The following ZCCHC2 variants were observed in gnomAD, a reference collection of about 807,000 sequenced individuals.
The protein encoded by ZCCHC2 is zinc finger CCHC domain-containing protein 2.
A neutral mutation model predicts 103.6 loss-of-function variants in ZCCHC2; 39 were observed. The observed-to-expected ratio is 0.38, with a 90% CI of 0.29 to 0.49. ZCCHC2 has a LOEUF of 0.49. Ranked by LOEUF, ZCCHC2 falls within the 20% of genes least tolerant of loss-of-function variation. The pLI, the probability that ZCCHC2 is intolerant of heterozygous loss-of-function variation, is 0.96. For synonymous variants in ZCCHC2, 687 were observed against 608.9 expected, an observed-to-expected ratio of 1.13 and a Z score of -1.89; for missense variants, 1,483 against 1,491.0, an observed-to-expected ratio of 0.99 and a Z score of 0.09.
intron 3 of ZCCHC2, among the ~76,000 whole-genome samples, chr18:62,544,116 G>A (rs906931684): frequency 6.6e-6 from 1 of 152,076 alleles, no homozygotes; most frequent in African/African-American, 2.4e-5. Flanking sequence ...ATTTTTAGGG[G>A]GCCACAGTTG....
chr18:62,544,203 A>G (rs968367089), intron 3 of ZCCHC2, among the ~76,000 whole-genome samples: 3 of 152,194 alleles, frequency 2.0e-5, no homozygotes, highest in African/African-American at 4.8e-5. Flanking sequence ...CTTGCAACCT[A>G]CTTAGAGTCA....
At chr18:62,558,069 A>G (rs1489341634) in intron 6 of ZCCHC2, among the ~76,000 whole-genome samples, 3 of 151,604 alleles carry the variant, frequency 2.0e-5, no homozygotes, top group Admixed American at 6.6e-5. Flanking sequence ...TGGTACAGAG[A>G]GCATCACTCC....
At chr18:62,534,848 A>G (rs2145490622) in intron 1 of ZCCHC2, among the ~76,000 whole-genome samples, 1 of 152,344 alleles carries the variant, frequency 6.6e-6, no homozygotes, top group African/African-American at 2.4e-5. Flanking sequence ...TTAGTTTGGG[A>G]AAATTGCCCA....
rs1916076136 is a variant in ZCCHC2, at chr18:62,560,621, T to C, written c.1527T>C (p.His509=). The C allele has an allele frequency of 1.9e-6, 3 of 1,613,416 alleles. No homozygotes were observed. The highest frequency in any genetic ancestry group is 1.3e-5 in the African/African-American group (1 of 74,918). The change falls in exon 8 of 14, where the codon CAT becomes CAC. Residue 509 remains histidine, a synonymous_variant. Transcript: ENST00000269499. ...VLQHAIIHKK[H]TGKSPIVNNI... is the part of the protein sequence containing the mutation. ...AGCATGCCATAATCCACAAGAAGCATACTGGGAAAAGTCCCATTGTGAAGT... is the reference window on the plus strand; with the variant it reads ...AGCATGCCATAATCCACAAGAAGCACACTGGGAAAAGTCCCATTGTGAAGT...
intron 1 of ZCCHC2, among the ~76,000 whole-genome samples, chr18:62,531,576 G>A (rs1218038213): frequency 6.7e-6 from 1 of 148,306 alleles, no homozygotes; most frequent in Non-Finnish European, 1.5e-5. Context: ...AAGTGAAAAT[G>A]CTTGGTAAAC....
In ZCCHC2 at chr18:62,570,041, A is replaced by G. The variant is rs866297502; in HGVS notation, c.1847-62A>G. The stretch of plus-strand genomic sequence containing the variant: ...AGCTAAAATTAATTTCTAATGATTC[A>G]ACTTAGAAATTAATTTAAAATGACT... On this transcript the variant is annotated intron_variant, in intron 11 of 13. Coordinates refer to ENST00000269499, the MANE Select transcript of ZCCHC2 (RefSeq NM_017742.6). 4.2e-6 allele frequency: 6 copies of G among 1,444,580 alleles called. No homozygotes were observed. In the Middle Eastern group the frequency reaches 9.1e-4, roughly 218 times the overall value. 89.5% of individuals were successfully genotyped at this position (1,444,580 alleles called of 1,614,324 possible).
At chr18:62,558,100 G>GA (rs1915969784) in intron 6 of ZCCHC2, among the ~76,000 whole-genome samples, 1 of 151,122 alleles carries the variant, frequency 6.6e-6, no homozygotes, top group Non-Finnish European at 1.5e-5. Flanking sequence ...AACTAGCGCT[G>GA]AAAAAAAATA....
At chr18:62,524,774 C>T (rs1914282757) in intron 1 of ZCCHC2, 1 of 181,916 alleles carries the variant, frequency 5.5e-6, no homozygotes, top group Non-Finnish European at 1.1e-5. Flanking sequence ...CAGTGAGCCC[C>T]AGGCAGCGCC....
In ZCCHC2 at chr18:62,523,613, G is replaced by A; in HGVS notation, c.189G>A (p.Pro63=). The A allele has an allele frequency of 8.6e-7, 1 of 1,166,156 alleles. No homozygotes were observed. Among genetic ancestry groups the A allele is most frequent in the Non-Finnish European group, 1.1e-6 (1 of 947,872 alleles). 72.2% of individuals were successfully genotyped at this position (1,166,156 alleles called of 1,614,324 possible). The change falls in exon 1 of 14, where the codon CCG becomes CCA. Residue 63 remains proline (P), a synonymous_variant. Coordinates refer to ENST00000269499, the MANE Select transcript of ZCCHC2 (RefSeq NM_017742.6). ...GGGGCCCTCTGCCGCCGCCGCCGCC[G>A]CCCCGGGGACTCGGGCCGCCTGTTG... ...PSRGPLPPPP[P]PRGLGPPVAG...
chr18:62,532,906 G>A (rs1598930463), intron 1 of ZCCHC2, among the ~76,000 whole-genome samples: 1 of 151,996 alleles, frequency 6.6e-6, no homozygotes, highest in East Asian at 1.9e-4. Flanking sequence ...GCGTAGTGGT[G>A]CATGTCTGTA....
chr18:62,536,809 A>C (rs1914948360), intron 1 of ZCCHC2, among the ~76,000 whole-genome samples: 1 of 152,218 alleles, frequency 6.6e-6, no homozygotes, highest in African/African-American at 2.4e-5. Flanking sequence ...TAGAAACTCA[A>C]ACTTCATTTT....
At chr18:62,549,445 G>A (rs1055624907) in intron 4 of ZCCHC2, among the ~76,000 whole-genome samples, 1 of 152,202 alleles carries the variant, frequency 6.6e-6, no homozygotes, top group Admixed American at 6.5e-5. Context: ...CTTTTCAGAA[G>A]AAAATTTACT....
rs748355508 is a variant in ZCCHC2, at chr18:62,556,272, A to G, written c.1383A>G (p.Ile461Met). Residue 461 changes from isoleucine (I) to methionine (M), a missense_variant, in exon 6 of 14, where the codon ATA (isoleucine) becomes ATG (methionine). Transcript: ENST00000269499. ...AAGTACACAGCTTCTTTCAGTCCATATCATCAGACTCCCTACACAGTATCA... is the reference window on the plus strand; with the variant it reads ...AAGTACACAGCTTCTTTCAGTCCATGTCATCAGACTCCCTACACAGTATCA... Reference protein sequence around the residue: ...SQKVHSFFQSISSDSLHSINN... With the variant: ...SQKVHSFFQSMSSDSLHSINN... 15 of 1,605,138 alleles carry G rather than the reference A, an allele frequency of 9.3e-6. No individual in the cohort carries two copies. The highest frequency in any genetic ancestry group is 2.2e-5 in the East Asian group (1 of 44,728).
chr18:62,568,532 G>A (rs184702806), intron 11 of ZCCHC2, among the ~76,000 whole-genome samples: 15 of 152,296 alleles, frequency 9.8e-5, no homozygotes, highest in African/African-American at 2.9e-4. Flanking sequence ...ATGGCAATTC[G>A]TGATTAGAAT....
At chr18:62,554,427 A>G (rs533342154) in intron 5 of ZCCHC2, among the ~76,000 whole-genome samples, 2 of 152,252 alleles carry the variant, frequency 1.3e-5, no homozygotes, top group East Asian at 3.9e-4. Context: ...TCAGAATGTG[A>G]CCTTGTTTTT....
chr18:62,555,807 T>C (rs1915860433), intron 5 of ZCCHC2, among the ~76,000 whole-genome samples: 1 of 137,818 alleles, frequency 7.3e-6, no homozygotes, highest in Admixed American at 7.5e-5. Flanking sequence ...AAATTCAGTC[T>C]CAAAAAAAAA....
Position 62,564,598 on chromosome 18 carries a change from T to G in ZCCHC2, c.1714T>G (p.Ser572Ala). 6.5e-7 allele frequency: 1 copy of G among 1,544,720 alleles called. No individual in the cohort carries two copies. Among genetic ancestry groups the G allele is most frequent in the Non-Finnish European group, 8.7e-7 (1 of 1,143,658 alleles). The change falls in exon 10 of 14, where the codon TCA becomes GCA. Residue 572 changes from serine to alanine, a missense_variant. Transcript: ENST00000269499. ...TTCTGCTGAAAAACGGAGTTTATCT[T>G]CAATAAATAAGAAGAAAGGAAAGCC... ...QHSAEKRSLS[S>A]INKKKGKPQT...
chr18:62,542,610 C>T (rs1052043998), intron 3 of ZCCHC2, 36 bp downstream of exon 3: 1 of 1,514,314 alleles, frequency 6.6e-7, no homozygotes, highest in Non-Finnish European at 9.0e-7. Flanking sequence ...ACCTCACGTG[C>T]TGTGCTCAAT....
chr18:62,564,077 G>C (rs573242289), intron 9 of ZCCHC2, among the ~76,000 whole-genome samples: 1 of 152,238 alleles, frequency 6.6e-6, no homozygotes, highest in South Asian at 2.1e-4. Flanking sequence ...AACTCTTCTT[G>C]GAATGTGTTT....
Sources: gnomAD v4.1 joint callset for allele counts (sites outside exome capture counted in the v4.1 genomes callset) on GRCh38, gnomAD v4.1.1 for gene constraint, MANE v1.5 for transcripts, NCBI Gene and HGNC (gene_info 2026-07-23, HGNC 2026-07-21) for gene names.